Variants in DCDC1 observed in about 807,000 individuals in gnomAD.
The protein encoded by DCDC1 is doublecortin domain-containing protein 1.
In DCDC1, 200 loss-of-function variants were observed where a neutral mutation model predicts 178.3. The ratio of observed to expected loss-of-function variants is 1.12; its 90% CI spans 1.00 to 1.26. DCDC1 has a LOEUF of 1.26. Ranked by LOEUF, DCDC1 falls within the 50% of genes most tolerant of loss-of-function variation. The pLI, the probability that DCDC1 is intolerant of heterozygous loss-of-function variation, is 0.00. For missense variants in DCDC1, 1,983 were observed against 1,749.2 expected (o/e 1.13, Z -2.38); for synonymous variants, 690 against 604.8 (o/e 1.14, Z -2.07).
At chr11:31,173,942 C>A (rs1452324336) in intron 9 of DCDC1, among the ~76,000 whole-genome samples, 1 of 152,148 alleles carries the variant, frequency 6.6e-6, no homozygotes, top group Non-Finnish European at 1.5e-5. Context: ...ATGATGCTAG[C>A]TGCAGTGGGG....
At chr11:31,255,550 A>T (rs1944362171) in intron 8 of DCDC1, among the ~76,000 whole-genome samples, 1 of 151,966 alleles carries the variant, frequency 6.6e-6, no homozygotes, top group African/African-American at 2.4e-5. Flanking sequence ...CTTCATTGTA[A>T]TTTTTGACTT....
intron 21 of DCDC1, among the ~76,000 whole-genome samples, chr11:30,932,822 G>T (rs74876968): frequency 6.6e-6 from 1 of 152,138 alleles, no homozygotes; most frequent in African/African-American, 2.4e-5. Context: ...AATAGAATAT[G>T]ATGCTGGGGC....
intron 8 of DCDC1, among the ~76,000 whole-genome samples, chr11:31,251,882 T>A (rs1403607080): frequency 2.8e-4 from 43 of 152,040 alleles, no homozygotes; most frequent in Non-Finnish European, 2.9e-5. Context: ...AGAAACAAAG[T>A]GATTTGAGTG....
Position 31,048,086 on chromosome 11 carries a change from T to A in DCDC1, c.2591+16383A>T, listed in dbSNP as rs374652787. Among the ~76,000 whole-genome samples, 3 of 152,168 alleles carry A rather than the reference T, an allele frequency of 2.0e-5. No homozygotes were observed. The East Asian group carries it at 5.8e-4, about 29-fold the overall frequency. The stretch of plus-strand genomic sequence containing the variant: ...TATCCCTCTTTTGTATTTGAGGAAA[T>A]CAAGTAATATTAAATATCTTACCCC... On this transcript the variant is annotated intron_variant, in intron 20 of 38. Coordinates refer to ENST00000684477, the MANE Select transcript of DCDC1 (RefSeq NM_001387274.1).
At chr11:30,923,193 T>G (rs1032694656) in intron 23 of DCDC1, among the ~76,000 whole-genome samples, 2 of 152,180 alleles carry the variant, frequency 1.3e-5, no homozygotes, top group African/African-American at 4.8e-5. Flanking sequence ...CATTTACACG[T>G]TGTCTATGGC....
rs142454340 is a variant in DCDC1, at chr11:30,909,105, C to T, written c.3759G>A (p.Pro1253=). The part of the protein sequence containing the change: ...GYPVIVQKYK[P]YNNGAANQKW... ...TTTGATTGGCAGCTCCATTGTTGTA[C>T]GGCTTATATTTCTGAAAAAAGAGGC... is the stretch of plus-strand genomic sequence containing the variant. The change falls in exon 29 of 39, where the codon CCG becomes CCA. Residue 1253 remains proline (P), a synonymous_variant. Coordinates refer to ENST00000684477, the MANE Select transcript of DCDC1 (RefSeq NM_001387274.1). 295 of 1,607,168 alleles carry T rather than the reference C, an allele frequency of 1.8e-4. No homozygotes were observed. The highest frequency in any genetic ancestry group is 8.5e-4 in the East Asian group (38 of 44,688).
chr11:31,011,073 T>C (rs1253903883), intron 20 of DCDC1, among the ~76,000 whole-genome samples: 3 of 152,112 alleles, frequency 2.0e-5, no homozygotes, highest in Non-Finnish European at 2.9e-5. Context: ...AGTGAGGTAA[T>C]AATGGACTCA....
chr11:30,964,186 C>T (rs988779585), intron 20 of DCDC1, among the ~76,000 whole-genome samples: 2 of 152,070 alleles, frequency 1.3e-5, no homozygotes, highest in African/African-American at 4.8e-5. Flanking sequence ...AGAATTCATT[C>T]CAAAACTTAC....
At chr11:31,043,470 T>A (rs982617446) in intron 20 of DCDC1, among the ~76,000 whole-genome samples, 2 of 152,166 alleles carry the variant, frequency 1.3e-5, no homozygotes, top group Non-Finnish European at 2.9e-5. Context: ...AAAGCCATTT[T>A]CCATGTAGGA....
At chr11:31,290,972 T>C (rs1947188519) in intron 6 of DCDC1, 120 bp from the exon 7 acceptor site, 1 of 895,038 alleles carries the variant, frequency 1.1e-6, no homozygotes, top group African/African-American at 1.7e-5. Context: ...ATTTAGATGC[T>C]GGTTTTCTGA....
In DCDC1 at chr11:30,903,654, C is replaced by A. The variant is rs772361757; in HGVS notation, c.4338G>T (p.Gly1446=). 9.9e-6 allele frequency: 16 copies of A among 1,608,386 alleles called. No individual in the cohort carries two copies. The highest frequency in any genetic ancestry group is 1.4e-5 in the Non-Finnish European group (16 of 1,177,336). Residue 1446 remains glycine, a synonymous_variant, in exon 32 of 39, where the codon GGG becomes GGT. Transcript: ENST00000684477. ...ATACTTTGGAGGCTGCTCTGGCAAG[C>A]CCAAGTTGTTCCGTGCATTCTGTAA... is the stretch of plus-strand genomic sequence containing the variant. ...MLLTECTEQL[G]LARAASKVYT...
chr11:31,258,408 T>C (rs557379919), intron 8 of DCDC1, among the ~76,000 whole-genome samples: 32 of 152,168 alleles, frequency 2.1e-4, no homozygotes, highest in African/African-American at 6.7e-4. Flanking sequence ...AATATGAGTA[T>C]GGACCAGAAA....
chr11:31,095,420 C>T (rs945618308), intron 15 of DCDC1, among the ~76,000 whole-genome samples: 5 of 152,172 alleles, frequency 3.3e-5, no homozygotes, highest in African/African-American at 1.2e-4. Flanking sequence ...AAAAGTGTTC[C>T]TATTTCTCCA....
intron 9 of DCDC1, among the ~76,000 whole-genome samples, chr11:31,168,220 T>A (rs1344221598): frequency 6.6e-6 from 1 of 152,172 alleles, no homozygotes; most frequent in East Asian, 1.9e-4. Flanking sequence ...ATTTATTTAT[T>A]TTTTGGATCA....
intron 20 of DCDC1, among the ~76,000 whole-genome samples, chr11:30,955,745 T>C (rs537238773): frequency 4.6e-5 from 7 of 152,356 alleles, no homozygotes; most frequent in Middle Eastern, 3.4e-3. Flanking sequence ...CTCTTCCCTT[T>C]GTACTCAGTT....
At chr11:31,281,518 A>ACCTCTCCAATACCTAC (rs1946429804) in intron 7 of DCDC1, among the ~76,000 whole-genome samples, 1 of 151,986 alleles carries the variant, frequency 6.6e-6, no homozygotes, top group Admixed American at 6.6e-5. Flanking sequence ...AAATGAGCAT[A>ACCTCTCCAATACCTAC]TGGCTTTTTC....
intron 16 of DCDC1, among the ~76,000 whole-genome samples, chr11:31,092,584 G>T (rs923599455): frequency 1.3e-5 from 2 of 152,168 alleles, no homozygotes; most frequent in African/African-American, 4.8e-5. Flanking sequence ...TCACACAAGA[G>T]ATTTCAATTA....
chr11:31,259,084 C>G (rs2137052837), intron 8 of DCDC1, among the ~76,000 whole-genome samples: 1 of 152,238 alleles, frequency 6.6e-6, no homozygotes, highest in Middle Eastern at 3.4e-3. Flanking sequence ...AGCGCGGTGG[C>G]TCACGTCTGA....
intron 1 of DCDC1, among the ~76,000 whole-genome samples, chr11:31,346,446 A>G (rs567064008): frequency 7.5e-5 from 11 of 146,720 alleles, no homozygotes; most frequent in African/African-American, 2.8e-4. Flanking sequence ...CCTGGGCGAC[A>G]GAAGGAGACT....
Sources: allele counts gnomAD v4.1 joint callset (sites outside exome capture counted in the v4.1 genomes callset), GRCh38; gene constraint gnomAD v4.1.1; transcripts MANE v1.5; gene names NCBI Gene and HGNC (gene_info 2026-07-23, HGNC 2026-07-21).